Variants in ANO2 observed in about 807,000 individuals in gnomAD.
ANO2 encodes the protein anoctamin 2.
In ANO2, 101 loss-of-function variants were observed where a neutral mutation model predicts 124.2. The observed-to-expected ratio is 0.81, with a 90% CI of 0.69 to 0.96. ANO2 has a LOEUF of 0.96. ANO2 is among the 40% of genes least tolerant of loss of function. The probability of loss-of-function intolerance (pLI) is 0.00; values close to 1 mark genes in which losing one functional copy is unlikely to be tolerated. For missense variants in ANO2, 1,293 were observed against 1,274.5 expected (o/e 1.01, Z -0.22); for synonymous variants, 486 against 482.5 (o/e 1.01, Z -0.09).
At chr12:5,835,124 T>G (rs1421542933) in intron 4 of ANO2, among the ~76,000 whole-genome samples, 4 of 152,228 alleles carry the variant, frequency 2.6e-5, no homozygotes, top group African/African-American at 9.6e-5. Flanking sequence ...TTATAAATAG[T>G]TTTGATTAAT....
At chr12:5,739,249 T>G (rs1398647742) in intron 13 of ANO2, 68 bp downstream of exon 13, 1 of 1,356,938 alleles carries the variant, frequency 7.4e-7, no homozygotes, top group Non-Finnish European at 1.0e-6. Context: ...CTCAAGAGAG[T>G]CCATTTCCAG....
At chr12:5,696,931 A>G (rs1949206541) in intron 14 of ANO2, among the ~76,000 whole-genome samples, 1 of 152,258 alleles carries the variant, frequency 6.6e-6, no homozygotes, top group Non-Finnish European at 1.5e-5. Flanking sequence ...TATGCTAGCA[A>G]AATAGGAACA....
chr12:5,812,027 C>CA (rs1163125263), intron 7 of ANO2, among the ~76,000 whole-genome samples: 3 of 132,252 alleles, frequency 2.3e-5, no homozygotes, highest in African/African-American at 8.6e-5. Flanking sequence ...CACCACCCCC[C>CA]AAAAGAGAGA....
intron 14 of ANO2, among the ~76,000 whole-genome samples, chr12:5,690,996 G>C (rs954492942): frequency 2.0e-5 from 3 of 152,166 alleles, no homozygotes; most frequent in Admixed American, 2.0e-4. Flanking sequence ...CCATCTCACA[G>C]GAGCTTACAT....
At chr12:5,825,295 G>A (rs1018715691) in intron 7 of ANO2, among the ~76,000 whole-genome samples, 3 of 152,150 alleles carry the variant, frequency 2.0e-5, no homozygotes, top group African/African-American at 7.2e-5. Context: ...ACACCAACTA[G>A]GTGACAATAC....
In ANO2 at chr12:5,563,059, G is replaced by A. The variant is rs1010421057; in HGVS notation, c.*240C>T. ...TGGGGTTCCAATCCCTCAAAAGGAT[G>A]CAGCTTAAAAGGGGACCTAAAAGAA... On this transcript the variant is annotated 3_prime_UTR_variant, in exon 25 of 25. Coordinates refer to ENST00000682330, the MANE Select transcript of ANO2 (RefSeq NM_001364791.2). 14 of 591,676 alleles carry A rather than the reference G, an allele frequency of 2.4e-5. No individual in the cohort carries two copies. Among genetic ancestry groups the A allele is most frequent in the Non-Finnish European group, 3.5e-5 (12 of 347,524 alleles). 36.7% of individuals were successfully genotyped at this position (591,676 alleles called of 1,614,324 possible).
At chr12:5,773,017 A>G (rs151317726) in intron 10 of ANO2, among the ~76,000 whole-genome samples, 3 of 152,370 alleles carry the variant, frequency 2.0e-5, no homozygotes, top group African/African-American at 7.2e-5. Context: ...AGCAGGCATG[A>G]GCAGGAGTCA....
At position 5,827,767 on chromosome 12, in the gene ANO2, A is replaced by G; in HGVS notation, c.892+2T>C. On this transcript the variant is annotated splice_donor_variant, in intron 7 of 24. Coordinates refer to ENST00000682330, the MANE Select transcript of ANO2 (RefSeq NM_001364791.2). LOFTEE classifies it high-confidence loss of function. ...ACCCTGCCCGCGGGCTGGGGTCCTT[A>G]CCCATCGTGTTGTTGGCTCGGGAGC... 6.2e-7 allele frequency: 1 copy of G among 1,610,204 alleles called. No homozygotes were observed. The highest frequency in any genetic ancestry group is 1.1e-5 in the South Asian group (1 of 90,116).
intron 14 of ANO2, among the ~76,000 whole-genome samples, chr12:5,668,939 G>A (rs1395281307): frequency 6.6e-6 from 1 of 152,090 alleles, no homozygotes; most frequent in Admixed American, 6.5e-5. Flanking sequence ...TGGCGTTTTG[G>A]TTACTGTAGC....
intron 23 of ANO2, among the ~76,000 whole-genome samples, chr12:5,566,532 T>C (rs1941770324): frequency 1.3e-5 from 2 of 152,118 alleles, no homozygotes. Context: ...GTTTTCTCCA[T>C]GGAATTCAAC....
chr12:5,784,164 C>G (rs1952478312), intron 10 of ANO2, among the ~76,000 whole-genome samples: 3 of 151,686 alleles, frequency 2.0e-5, no homozygotes, highest in Admixed American at 2.0e-4. Flanking sequence ...TCCCCCCTAT[C>G]TGGAATGTCC....
At chr12:5,875,348 T>C (rs531901096) in intron 3 of ANO2, among the ~76,000 whole-genome samples, 2 of 152,348 alleles carry the variant, frequency 1.3e-5, no homozygotes, top group Non-Finnish European at 2.9e-5. Flanking sequence ...CTGCCAGAGA[T>C]TGCAGGGGAA....
intron 20 of ANO2, among the ~76,000 whole-genome samples, chr12:5,597,918 C>T (rs1314678676): frequency 2.0e-5 from 3 of 152,198 alleles, no homozygotes; most frequent in South Asian, 4.1e-4. Context: ...TTTCCTTAAA[C>T]CAGGTCTTGA....
intron 6 of ANO2, 38 bp from the exon 7 acceptor site, chr12:5,827,858 TC>T (rs748485486): frequency 1.3e-5 from 21 of 1,588,216 alleles, no homozygotes; most frequent in African/African-American, 5.4e-5. Flanking sequence ...AGCTCCTAGT[TC>T]CCCCCCGCCC....
chr12:5,757,858 A>C (rs1427604298), intron 10 of ANO2, among the ~76,000 whole-genome samples: 3 of 152,210 alleles, frequency 2.0e-5, no homozygotes, highest in African/African-American at 7.2e-5. Flanking sequence ...AAATAGCTAA[A>C]ATTTTAAAAA....
intron 3 of ANO2, among the ~76,000 whole-genome samples, chr12:5,895,316 C>T (rs1237770832): frequency 6.6e-6 from 1 of 152,252 alleles, no homozygotes; most frequent in South Asian, 2.1e-4. Flanking sequence ...TATAGAAATG[C>T]TTGTGATTTT....
intron 14 of ANO2, among the ~76,000 whole-genome samples, chr12:5,727,635 CTTTTTTTTT>C (rs34307471): frequency 1.6e-5 from 1 of 64,222 alleles, no homozygotes; most frequent in Non-Finnish European, 3.8e-5. Context: ...TCACCACTTC[CTTTTTTTTT>C]TTTTTTTTTT....
At chr12:5,566,250 T>C (rs935092763) in intron 23 of ANO2, among the ~76,000 whole-genome samples, 2 of 152,196 alleles carry the variant, frequency 1.3e-5, no homozygotes, top group Admixed American at 1.3e-4. Flanking sequence ...GGGAGGGTCA[T>C]TAAGCATCAC....
intron 4 of ANO2, among the ~76,000 whole-genome samples, chr12:5,843,901 T>C (rs1321661853): frequency 6.6e-6 from 1 of 152,168 alleles, no homozygotes; most frequent in Non-Finnish European, 1.5e-5. Flanking sequence ...GTAAGAGATA[T>C]AAACCATAGT....
Sources: allele counts gnomAD v4.1 joint callset (sites outside exome capture counted in the v4.1 genomes callset), GRCh38; gene constraint gnomAD v4.1.1; transcripts MANE v1.5; gene names NCBI Gene and HGNC (gene_info 2026-07-23, HGNC 2026-07-21).